SMAD5: variants seen among roughly 807,000 people sequenced by gnomAD.
SMAD5 encodes MAD, mothers against decapentaplegic homolog 5.
In SMAD5, 9 loss-of-function variants were observed where a neutral mutation model predicts 43.1. The ratio of observed to expected loss-of-function variants is 0.21; its 90% CI spans 0.13 to 0.36. The LOEUF (loss-of-function observed/expected upper bound fraction) is 0.36. Among genes scored for constraint, SMAD5 ranks in the 10% least tolerant of loss-of-function variants. The probability of loss-of-function intolerance (pLI) is 1.00; values close to 1 mark genes in which losing one functional copy is unlikely to be tolerated. For synonymous variants in SMAD5, 190 were observed against 192.4 expected, an observed-to-expected ratio of 0.99 and a Z score of 0.10; for missense variants, 348 against 574.0, an observed-to-expected ratio of 0.61 and a Z score of 4.02.
chr5:136,137,623 T>C (rs1752933619), intron 1 of SMAD5, among the ~76,000 whole-genome samples: 1 of 152,220 alleles, frequency 6.6e-6, no homozygotes, highest in African/African-American at 2.4e-5. Context: ...ACTTGAGTTC[T>C]AGTTATTCTG....
intron 1 of SMAD5, among the ~76,000 whole-genome samples, chr5:136,142,561 C>T (rs2149761020): frequency 6.6e-6 from 1 of 152,120 alleles, no homozygotes; most frequent in East Asian, 1.9e-4. Flanking sequence ...GAGGTCATTT[C>T]TCTAAGAAAT....
intron 1 of SMAD5, among the ~76,000 whole-genome samples, chr5:136,135,856 GTCTGTCTC>G (rs1295208772): frequency 2.6e-5 from 4 of 152,272 alleles, no homozygotes; most frequent in South Asian, 4.2e-4. Flanking sequence ...GTATCTGTCT[GTCTGTCTC>G]TCTGTCTCTC....
intron 3 of SMAD5, among the ~76,000 whole-genome samples, chr5:136,159,546 GA>G (rs1290476755): frequency 8.8e-5 from 13 of 147,506 alleles, no homozygotes; most frequent in South Asian, 4.3e-4. Flanking sequence ...TACCTCTAAA[GA>G]AAAAAAAAAG....
chr5:136,161,144 ATTCC>A, intron 4 of SMAD5, 37 bp downstream of exon 4: 1 of 1,574,042 alleles, frequency 6.4e-7, no homozygotes, highest in Non-Finnish European at 8.7e-7. Flanking sequence ...AAAAAAAAAA[ATTCC>A]TAAGAATCAC....
chr5:136,157,101 A>G (rs1347277836), intron 3 of SMAD5, among the ~76,000 whole-genome samples: 1 of 152,216 alleles, frequency 6.6e-6, no homozygotes, highest in East Asian at 1.9e-4. Context: ...TGATTCCTTC[A>G]TGGGGTTAGA....
At chr5:136,153,394 C>T (rs567190563) in intron 2 of SMAD5, among the ~76,000 whole-genome samples, 198 bp from the exon 3 acceptor site, 6 of 152,130 alleles carry the variant, frequency 3.9e-5, no homozygotes, top group East Asian at 1.9e-4. Context: ...TTTGACATTG[C>T]CAGTGTCTTA....
intron 1 of SMAD5, among the ~76,000 whole-genome samples, chr5:136,135,837 A>G (rs190585806): frequency 2.0e-5 from 3 of 152,298 alleles, no homozygotes; most frequent in Non-Finnish European, 2.9e-5. Flanking sequence ...TAGACGATCT[A>G]TATTCCTTGT....
At position 136,182,547 on chromosome 5, in the gene SMAD5, A is replaced by G. The variant is rs892532703; in HGVS notation, c.*5067A>G. ...CACTGTAGGTCTGCTGCTTATTTGT[A>G]TTTGTTGTGCTTCTGTTTATGTTGT... On this transcript the variant is annotated 3_prime_UTR_variant, in exon 8 of 8. Coordinates refer to ENST00000545279, the MANE Select transcript of SMAD5 (RefSeq NM_005903.7). 6.6e-6 allele frequency: 1 copy of G among 152,600 alleles called. No individual in the cohort carries two copies. The highest frequency in any genetic ancestry group is 2.1e-4 in the South Asian group (1 of 4,834). 9.5% of individuals were successfully genotyped at this position (152,600 alleles called of 1,614,324 possible).
chr5:136,138,743 A>G (rs988721734), intron 1 of SMAD5, among the ~76,000 whole-genome samples: 2 of 152,036 alleles, frequency 1.3e-5, no homozygotes, highest in African/African-American at 4.8e-5. Context: ...CTTCCATTGC[A>G]GGAGATCCTG....
intron 1 of SMAD5, among the ~76,000 whole-genome samples, chr5:136,137,395 T>A (rs1752925591): frequency 6.6e-6 from 1 of 152,176 alleles, no homozygotes; most frequent in Admixed American, 6.5e-5. Flanking sequence ...CCATATATGT[T>A]GTTTTGTTAT....
At chr5:136,138,011 T>G (rs1752945600) in intron 1 of SMAD5, among the ~76,000 whole-genome samples, 1 of 152,188 alleles carries the variant, frequency 6.6e-6, no homozygotes, top group Non-Finnish European at 1.5e-5. Context: ...CTACAAAGAT[T>G]GACCAGCTCT....
At chr5:136,150,271 GA>G (rs1449281837) in intron 2 of SMAD5, among the ~76,000 whole-genome samples, 1 of 151,540 alleles carries the variant, frequency 6.6e-6, no homozygotes, top group Non-Finnish European at 1.5e-5. Flanking sequence ...CATTTCTACT[GA>G]CAAAGCTGCC....
At chr5:136,142,163 T>C (rs1561640751) in intron 1 of SMAD5, among the ~76,000 whole-genome samples, 1 of 152,174 alleles carries the variant, frequency 6.6e-6, no homozygotes. Context: ...GGAATTTACA[T>C]TCTTGTGGGG....
intron 2 of SMAD5, among the ~76,000 whole-genome samples, chr5:136,148,501 G>A (rs935260229): frequency 2.0e-5 from 3 of 151,730 alleles, no homozygotes; most frequent in Admixed American, 6.6e-5. Context: ...GAAAGATTAC[G>A]TGTTATTCCT....
intron 5 of SMAD5, among the ~76,000 whole-genome samples, chr5:136,164,197 A>T (rs1050505723): frequency 6.6e-6 from 1 of 152,212 alleles, no homozygotes; most frequent in Non-Finnish European, 1.5e-5. Flanking sequence ...CTCCATCTCA[A>T]AAAAACAAAC....
intron 6 of SMAD5, among the ~76,000 whole-genome samples, chr5:136,173,962 G>T (rs1006983331): frequency 1.3e-5 from 2 of 151,138 alleles, no homozygotes; most frequent in African/African-American, 2.4e-5. Flanking sequence ...TAGTGTTGCT[G>T]TCCTCTTTGT....
chr5:136,146,662 A>G lies in SMAD5; in HGVS notation c.-244-1170A>G, dbSNP rs540008278. ...GTAACCCAAGCTCTCTGATCATTTT[A>G]TTTCAAATTTTGGACCAAGGTGTTA... On this transcript the variant is annotated intron_variant, in intron 1 of 7. Coordinates refer to ENST00000545279, the MANE Select transcript of SMAD5 (RefSeq NM_005903.7). Among the ~76,000 whole-genome samples, 10 of 151,970 alleles carry G rather than the reference A, an allele frequency of 6.6e-5. No homozygotes were observed. The South Asian group carries it at 2.1e-3, about 32-fold the overall frequency.
intron 7 of SMAD5, among the ~76,000 whole-genome samples, chr5:136,176,030 G>C (rs2149782365): frequency 6.6e-6 from 1 of 152,124 alleles, no homozygotes; most frequent in Non-Finnish European, 1.5e-5. Context: ...GTTCATCCCA[G>C]TAATTTCCAA....
chr5:136,139,661 C>G (rs1451632951), intron 1 of SMAD5, among the ~76,000 whole-genome samples: 3 of 152,086 alleles, frequency 2.0e-5, no homozygotes, highest in African/African-American at 7.2e-5. Flanking sequence ...TTGCTGTCCA[C>G]CCCTCCTCCT....
Sources: gnomAD v4.1 joint callset for allele counts (sites outside exome capture counted in the v4.1 genomes callset) on GRCh38, gnomAD v4.1.1 for gene constraint, MANE v1.5 for transcripts, NCBI Gene and HGNC (gene_info 2026-07-23, HGNC 2026-07-21) for gene names.